UTRN: variants seen among roughly 807,000 people sequenced by gnomAD.
UTRN encodes the protein dystrophin-related protein 1.
In UTRN, 283 loss-of-function variants were observed where a neutral mutation model predicts 463.9. That is an observed-to-expected ratio of 0.61 (90% CI 0.55 to 0.67). The LOEUF (loss-of-function observed/expected upper bound fraction) is 0.67. UTRN is among the 30% of genes least tolerant of loss of function. UTRN has a pLI of 0.00. For synonymous variants in UTRN, 1,442 were observed against 1,431.5 expected (o/e 1.01, Z -0.17); for missense variants, 3,922 against 4,084.3 (o/e 0.96, Z 1.08).
chr6:144,643,009 T>G (rs1222105767), intron 51 of UTRN, among the ~76,000 whole-genome samples: 1 of 152,190 alleles, frequency 6.6e-6, no homozygotes, highest in Non-Finnish European at 1.5e-5. Context: ...TTCATCCTGA[T>G]CTTCAGGATA....
chr6:144,679,158 T>C (rs780795345), intron 52 of UTRN, among the ~76,000 whole-genome samples: 4 of 152,086 alleles, frequency 2.6e-5, no homozygotes, highest in African/African-American at 9.7e-5. Context: ...AAATGGAAAA[T>C]TGATGATTCA....
intron 51 of UTRN, among the ~76,000 whole-genome samples, chr6:144,657,748 G>C (rs1169782040): frequency 1.3e-5 from 2 of 152,196 alleles, no homozygotes; most frequent in South Asian, 4.1e-4. Context: ...TCACCCTTCT[G>C]ATCTGTGCAT....
intron 51 of UTRN, among the ~76,000 whole-genome samples, chr6:144,609,408 A>G (rs1160663289): frequency 6.6e-6 from 1 of 152,244 alleles, no homozygotes; most frequent in Non-Finnish European, 1.5e-5. Context: ...ACGCATATGA[A>G]TGCAACATTA....
At chr6:144,742,873 C>T (rs533207475) in intron 54 of UTRN, among the ~76,000 whole-genome samples, 9 of 152,034 alleles carry the variant, frequency 5.9e-5, no homozygotes, top group African/African-American at 1.9e-4. Context: ...ATTTCCTTTT[C>T]GTCTTTTGGT....
chr6:144,448,682 C>G lies in UTRN; in HGVS notation c.1985C>G (p.Ala662Gly), dbSNP rs770950150. Reference protein sequence around the residue: ...LLETVRVREQAITKKSKQELP... With the variant: ...LLETVRVREQGITKKSKQELP... ...GAGACTGTTCGTGTAAGAGAACAAG[C>G]AATTACAAAAAAATCTAAGCAGGAA... Residue 662 changes from alanine (A) to glycine (G), a missense_variant, in exon 17 of 75, where the codon GCA (alanine) becomes GGA (glycine). By Grantham distance (60) the Ala-to-Gly change is moderately conservative. Transcript: ENST00000367545. The G allele has an allele frequency of 4.3e-6, 7 of 1,613,712 alleles. No homozygotes were observed. Among genetic ancestry groups the G allele is most frequent in the Middle Eastern group, 1.6e-4 (1 of 6,082 alleles).
intron 48 of UTRN, among the ~76,000 whole-genome samples, chr6:144,553,385 C>A (rs1364096640): frequency 6.6e-6 from 1 of 152,096 alleles, no homozygotes; most frequent in East Asian, 1.9e-4. Flanking sequence ...ATCCCAAGAA[C>A]TTTGCCAAAG....
At chr6:144,724,031 A>C (rs1041302622) in intron 53 of UTRN, among the ~76,000 whole-genome samples, 7 of 146,594 alleles carry the variant, frequency 4.8e-5, no homozygotes, top group African/African-American at 1.5e-4. Context: ...AAAAAAAAAG[A>C]AAGAAAAAAA....
At chr6:144,598,004 G>C (rs1803833736) in intron 51 of UTRN, among the ~76,000 whole-genome samples, 1 of 151,962 alleles carries the variant, frequency 6.6e-6, no homozygotes, top group South Asian at 2.1e-4. Flanking sequence ...TGAAACATAG[G>C]GTTGTTCCTT....
intron 53 of UTRN, among the ~76,000 whole-genome samples, chr6:144,702,004 A>G (rs1170801222): frequency 1.3e-5 from 2 of 152,132 alleles, no homozygotes; most frequent in African/African-American, 4.8e-5. Flanking sequence ...TTCTCTCCTA[A>G]CTTTTTCTAA....
At chr6:144,515,004 C>T (rs1164639881) in intron 37 of UTRN, among the ~76,000 whole-genome samples, 184 bp downstream of exon 37, 5 of 152,200 alleles carry the variant, frequency 3.3e-5, no homozygotes, top group African/African-American at 4.8e-5. Context: ...TGGGTGCAAG[C>T]TATTCTCCTG....
chr6:144,569,663 A>C (rs1800756855), intron 50 of UTRN, among the ~76,000 whole-genome samples: 1 of 152,144 alleles, frequency 6.6e-6, no homozygotes, highest in Non-Finnish European at 1.5e-5. Context: ...TGCACTGATG[A>C]GCAACAGCTT....
At chr6:144,823,398 TA>T (rs551420852) in intron 66 of UTRN, among the ~76,000 whole-genome samples, 18 of 152,280 alleles carry the variant, frequency 1.2e-4, no homozygotes, top group Non-Finnish European at 2.4e-4. Context: ...GAGTGGGTAA[TA>T]AAAAAGTTTG....
intron 70 of UTRN, 61 bp downstream of exon 70, chr6:144,835,999 G>A (rs953191355): frequency 3.8e-6 from 6 of 1,579,100 alleles, no homozygotes; most frequent in East Asian, 2.2e-5. Context: ...TTTCACTGTA[G>A]CCCCCATTTA....
At position 144,797,888 on chromosome 6, in the gene UTRN, C is replaced by G. The variant is rs1367388346; in HGVS notation, c.9143C>G (p.Ser3048Cys). 6.2e-7 allele frequency: 1 copy of G among 1,614,176 alleles called. No homozygotes were observed. The highest frequency in any genetic ancestry group is 1.7e-5 in the Admixed American group (1 of 60,030). The change falls in exon 64 of 75, where the codon TCC becomes TGC. Residue 3048 changes from serine to cysteine, a missense_variant. Transcript: ENST00000367545. The stretch of plus-strand genomic sequence containing the variant: ...GATTGGATGCATTTGGAACCACAGT[C>G]CATGGTTTGGCTCCCAGTTTTACAT... The part of the protein sequence containing the change: ...FIDWMHLEPQ[S>C]MVWLPVLHRV...
intron 51 of UTRN, among the ~76,000 whole-genome samples, chr6:144,676,855 T>C (rs1368889711): frequency 6.6e-6 from 1 of 152,226 alleles, no homozygotes; most frequent in Non-Finnish European, 1.5e-5. Context: ...ACTTTAGTTA[T>C]AGTTATGTAA....
At chr6:144,439,080 G>T (rs1392354980) in intron 12 of UTRN, among the ~76,000 whole-genome samples, 185 bp downstream of exon 12, 1 of 152,178 alleles carries the variant, frequency 6.6e-6, no homozygotes, top group Non-Finnish European at 1.5e-5. Context: ...GGATAAAAGG[G>T]CACGGTAAAA....
chr6:144,727,369 C>G (rs1403808445), intron 53 of UTRN, among the ~76,000 whole-genome samples: 1 of 152,230 alleles, frequency 6.6e-6, no homozygotes, highest in Non-Finnish European at 1.5e-5. Context: ...TCTTCATCTT[C>G]TCTTCAGTGG....
intron 61 of UTRN, among the ~76,000 whole-genome samples, chr6:144,782,616 ATG>A (rs200576781): frequency 2.8e-5 from 4 of 143,892 alleles, no homozygotes; most frequent in African/African-American, 1.1e-4. Context: ...CATAGTGGTT[ATG>A]TGTGTGTGTA....
intron 51 of UTRN, among the ~76,000 whole-genome samples, chr6:144,620,550 A>G (rs750548583): frequency 2.0e-5 from 3 of 152,114 alleles, no homozygotes; most frequent in Non-Finnish European, 4.4e-5. Flanking sequence ...GTATGTAGTC[A>G]ATGAGAAACA....
Sources: gnomAD v4.1 joint callset for allele counts (sites outside exome capture counted in the v4.1 genomes callset) on GRCh38, gnomAD v4.1.1 for gene constraint, MANE v1.5 for transcripts, NCBI Gene and HGNC (gene_info 2026-07-23, HGNC 2026-07-21) for gene names.